ACOT1: variants seen among roughly 807,000 people sequenced by gnomAD.
The protein encoded by ACOT1 is acyl-coenzyme A thioesterase 1.
A neutral mutation model predicts 15.7 loss-of-function variants in ACOT1; 8 were observed. The observed-to-expected ratio is 0.51, with a 90% confidence interval of 0.30 to 0.92. ACOT1 has a LOEUF of 0.92. ACOT1 is among the 40% of genes least tolerant of loss of function. The pLI is 0.06. For missense variants in ACOT1, 151 were observed against 539.4 expected, an observed-to-expected ratio of 0.28 and a Z score of 7.13; for synonymous variants, 67 against 241.2, an observed-to-expected ratio of 0.28 and a Z score of 6.69.
chr14:73,535,490 T>C (rs1194343991), upstream of ACOT1, among the ~76,000 whole-genome samples: 5 of 41,408 alleles, frequency 1.2e-4, 1 homozygote, highest in African/African-American at 4.1e-4. Flanking sequence ...TTTTTTTTTT[T>C]TTTTTTTTTT....
chr14:73,520,978 C>T, the ACOT1 span: 61 of 1,613,656 alleles, frequency 3.8e-5, no homozygotes, highest in Non-Finnish European at 4.2e-5. Context: ...TGGATATCCT[C>T]AGTGCTCTTG....
chr14:73,535,555 G>A (rs1265759541), upstream of ACOT1, among the ~76,000 whole-genome samples: 40 of 82,180 alleles, frequency 4.9e-4, 8 homozygotes, highest in African/African-American at 1.5e-3. Context: ...TGCAAGCACT[G>A]CCTCCAGGGT....
chr14:73,501,532 A>G, the ACOT1 span, among the ~76,000 whole-genome samples: 3 of 146,088 alleles, frequency 2.1e-5, no homozygotes, highest in Admixed American at 6.9e-5. Flanking sequence ...GATTATAGGC[A>G]CTTACCCACT....
the ACOT1 span, among the ~76,000 whole-genome samples, chr14:73,523,400 C>G: frequency 6.6e-6 from 1 of 152,198 alleles, no homozygotes; most frequent in Non-Finnish European, 1.5e-5. Context: ...TTTCATGTAT[C>G]AGACCCGTGT....
At chr14:73,499,675 C>G in the ACOT1 span, among the ~76,000 whole-genome samples, 1 of 152,152 alleles carries the variant, frequency 6.6e-6, no homozygotes, top group Non-Finnish European at 1.5e-5. Context: ...GTCTACAGAT[C>G]TGGGGCCATA....
At chr14:73,529,991 CCTCA>C in the ACOT1 span, among the ~76,000 whole-genome samples, 1 of 140,308 alleles carries the variant, frequency 7.1e-6, no homozygotes, top group Non-Finnish European at 1.5e-5. Flanking sequence ...TGAGACAGGG[CCTCA>C]CTCTGTCACC....
At chr14:73,524,309 AAATATATATATAT>A in the ACOT1 span, among the ~76,000 whole-genome samples, 1 of 99,760 alleles carries the variant, frequency 1.0e-5, no homozygotes, top group African/African-American at 4.1e-5. Flanking sequence ...AAAAAAAAAA[AAATATATATATAT>A]ATATATATAT....
chr14:73,520,998 A>G, the ACOT1 span: 2 of 1,613,744 alleles, frequency 1.2e-6, no homozygotes, highest in Non-Finnish European at 8.5e-7. Flanking sequence ...GTTGCCAGGC[A>G]TGATCTCAAC....
chr14:73,509,280 T>C, the ACOT1 span: 1 of 1,604,404 alleles, frequency 6.2e-7, no homozygotes. Context: ...TATCCCATAT[T>C]TCCAGGTCAG....
At chr14:73,495,125 T>C in the ACOT1 span, 1 of 958,370 alleles carries the variant, frequency 1.0e-6, no homozygotes, top group Non-Finnish European at 1.6e-6. Flanking sequence ...CTTTCCTGAC[T>C]CTTTCATCCT....
At chr14:73,493,200 T>A in the ACOT1 span, 1 of 1,143,574 alleles carries the variant, frequency 8.7e-7, no homozygotes, top group Admixed American at 1.8e-5. Flanking sequence ...GAGCACCAAC[T>A]TCATCACCTT....
chr14:73,526,417 C>G, the ACOT1 span, among the ~76,000 whole-genome samples: 1 of 152,166 alleles, frequency 6.6e-6, no homozygotes, highest in African/African-American at 2.4e-5. Context: ...GTCATGGAGG[C>G]AGTGGACTTT....
At chr14:73,514,938 T>C in the ACOT1 span, among the ~76,000 whole-genome samples, 1 of 151,982 alleles carries the variant, frequency 6.6e-6, no homozygotes, top group Non-Finnish European at 1.5e-5. Flanking sequence ...CATGGTGGCA[T>C]GTGCTTGTAG....
chr14:73,519,209 T>C, the ACOT1 span: 11 of 1,563,920 alleles, frequency 7.0e-6, no homozygotes, highest in Middle Eastern at 1.7e-4. Context: ...ACCTCCCTAT[T>C]TCCTTTCTCC....
the ACOT1 span, chr14:73,508,310 G>GA: frequency 8.1e-6 from 13 of 1,611,840 alleles, no homozygotes; most frequent in African/African-American, 1.7e-4. Context: ...ACAGTTGGGT[G>GA]AAAAAGAGTT....
chr14:73,526,067 C>A, the ACOT1 span, among the ~76,000 whole-genome samples: 1 of 152,150 alleles, frequency 6.6e-6, no homozygotes, highest in African/African-American at 2.4e-5. Context: ...AAAGACGGTC[C>A]TGCATCGCCT....
the ACOT1 span, chr14:73,522,716 T>A: frequency 1.9e-6 from 3 of 1,614,186 alleles, no homozygotes; most frequent in Non-Finnish European, 2.5e-6. Context: ...CTTCAGCTTC[T>A]TTTCGGGATT....
At chr14:73,495,480 G>A in the ACOT1 span, 1 of 1,033,248 alleles carries the variant, frequency 9.7e-7, no homozygotes, top group Non-Finnish European at 1.4e-6. Flanking sequence ...GATTGTAGGA[G>A]GCTGAGGAGG....
chr14:73,533,985 G>A (rs1367810900), upstream of ACOT1, among the ~76,000 whole-genome samples: 2 of 111,428 alleles, frequency 1.8e-5, 1 homozygote, highest in Non-Finnish European at 3.9e-5. Context: ...GGGAAGAGGA[G>A]GTGGGAGGAT....
Sources: gnomAD v4.1 joint callset for allele counts (sites outside exome capture counted in the v4.1 genomes callset) on GRCh38, gnomAD v4.1.1 for gene constraint, MANE v1.5 for transcripts, NCBI Gene and HGNC (gene_info 2026-07-23, HGNC 2026-07-21) for gene names.